The following STK39 variants were observed in gnomAD, a reference collection of about 807,000 sequenced individuals.
The protein encoded by STK39 is STE20/SPS1-related proline-alanine-rich protein kinase.
STK39 carries 20 observed loss-of-function variants against 77.8 expected under a neutral mutation model. That is an observed-to-expected ratio of 0.26 (90% CI 0.18 to 0.37). STK39 has a LOEUF of 0.37. Ranked by LOEUF, STK39 falls within the 10% of genes least tolerant of loss-of-function variation. The probability of loss-of-function intolerance (pLI) is 1.00; values close to 1 mark genes in which losing one functional copy is unlikely to be tolerated. For missense variants in STK39, 479 were observed against 656.5 expected (o/e 0.73, Z 2.95); for synonymous variants, 246 against 234.1 (o/e 1.05, Z -0.47).
chr2:168,143,374 C>A (rs1239327551), intron 5 of STK39, among the ~76,000 whole-genome samples: 1 of 152,188 alleles, frequency 6.6e-6, no homozygotes. Flanking sequence ...CAGATCCAGG[C>A]TCCAGCAACC....
chr2:168,157,613 G>A (rs897905320), intron 5 of STK39, among the ~76,000 whole-genome samples: 2 of 152,100 alleles, frequency 1.3e-5, no homozygotes, highest in Non-Finnish European at 2.9e-5. Flanking sequence ...CATGGTAGAA[G>A]GGCACGGCAG....
intron 4 of STK39, among the ~76,000 whole-genome samples, chr2:168,162,553 C>T (rs1688601704): frequency 6.6e-6 from 1 of 151,948 alleles, no homozygotes; most frequent in Non-Finnish European, 1.5e-5. Flanking sequence ...GGATGCAATT[C>T]CAACTTAATT....
At chr2:168,206,877 T>C (rs1689756173) in intron 1 of STK39, among the ~76,000 whole-genome samples, 1 of 152,334 alleles carries the variant, frequency 6.6e-6, no homozygotes, top group East Asian at 1.9e-4. Context: ...CACATCTTCA[T>C]GCTTCTTATA....
Position 168,247,562 on chromosome 2 carries a change from G to GCCGCCGCCGCCGCCA in STK39, c.-128_-127insTGGCGGCGGCGGCGG. The GCCGCCGCCGCCGCCA allele has an allele frequency of 2.7e-6, 2 of 752,680 alleles. No individual in the cohort carries two copies. Among genetic ancestry groups the GCCGCCGCCGCCGCCA allele is most frequent in the Non-Finnish European group, 3.4e-6 (2 of 590,084 alleles). 46.6% of individuals were successfully genotyped at this position (752,680 alleles called of 1,614,324 possible). On this transcript the variant is annotated 5_prime_UTR_variant, in exon 1 of 18. In the 5' UTR this introduces an upstream ATG that the reference lacks. Transcript: ENST00000355999. ...CTCCCCGCCCGCCGCCGCCGCCGCC[G>GCCGCCGCCGCCGCCA]TCCCCGCCGAAGCCAGCTAGGAGGG...
chr2:168,139,466 G>A (rs1328373853), intron 7 of STK39, among the ~76,000 whole-genome samples: 1 of 150,410 alleles, frequency 6.6e-6, no homozygotes, highest in Non-Finnish European at 1.5e-5. Flanking sequence ...AGTAGAGATT[G>A]TCTGGTTGAT....
At chr2:168,187,554 A>T (rs1689239462) in intron 1 of STK39, among the ~76,000 whole-genome samples, 2 of 152,234 alleles carry the variant, frequency 1.3e-5, no homozygotes, top group Admixed American at 6.5e-5. Flanking sequence ...ACACAAAAAA[A>T]GTCTTTGAAA....
intron 16 of STK39, among the ~76,000 whole-genome samples, chr2:167,966,502 T>C (rs1328422679): frequency 6.6e-6 from 1 of 152,250 alleles, no homozygotes; most frequent in East Asian, 1.9e-4. Flanking sequence ...TCTCAGTTAA[T>C]GTGGATGATT....
chr2:168,228,087 G>T (rs182683016), intron 1 of STK39, among the ~76,000 whole-genome samples: 1 of 152,274 alleles, frequency 6.6e-6, no homozygotes, highest in East Asian at 1.9e-4. Context: ...GACATTAAGA[G>T]TAGATTGTAT....
intron 14 of STK39, among the ~76,000 whole-genome samples, chr2:168,049,021 T>C (rs1471825068): frequency 6.6e-6 from 1 of 152,210 alleles, no homozygotes. Context: ...GAACAAGTGA[T>C]AGCTCTGATA....
intron 5 of STK39, among the ~76,000 whole-genome samples, chr2:168,154,336 C>T (rs937068026): frequency 1.3e-5 from 2 of 152,174 alleles, no homozygotes; most frequent in Non-Finnish European, 2.9e-5. Flanking sequence ...CATCATTTTA[C>T]AGGTGATACA....
intron 2 of STK39, among the ~76,000 whole-genome samples, chr2:168,180,580 G>A (rs1157391712): frequency 6.6e-6 from 1 of 152,102 alleles, no homozygotes; most frequent in East Asian, 1.9e-4. Context: ...GTGAAAACAA[G>A]TTTAGTGGCA....
intron 10 of STK39, chr2:168,113,252 G>A (rs924127980): frequency 3.9e-5 from 6 of 152,158 alleles, no homozygotes. Context: ...AATGGTAAAT[G>A]AGTGCCACAT....
intron 16 of STK39, among the ~76,000 whole-genome samples, chr2:168,009,547 A>C (rs938824450): frequency 9.9e-5 from 15 of 152,230 alleles, no homozygotes; most frequent in African/African-American, 3.6e-4. Context: ...TACCAGTTGC[A>C]ACAGTCTAGA....
chr2:168,109,306 T>C (rs1687060721), intron 10 of STK39, among the ~76,000 whole-genome samples: 1 of 152,222 alleles, frequency 6.6e-6, no homozygotes, highest in African/African-American at 2.4e-5. Context: ...AAATAGGACA[T>C]CACTTAGTGT....
At chr2:168,020,845 C>A (rs1448102415) in intron 14 of STK39, among the ~76,000 whole-genome samples, 1 of 152,036 alleles carries the variant, frequency 6.6e-6, no homozygotes, top group African/African-American at 2.4e-5. Context: ...GTACCAAATA[C>A]AAACAGAAAT....
intron 16 of STK39, among the ~76,000 whole-genome samples, chr2:168,008,451 G>A (rs1435249803): frequency 6.6e-6 from 1 of 152,120 alleles, no homozygotes; most frequent in Non-Finnish European, 1.5e-5. Flanking sequence ...ATTCCTGGAG[G>A]GGCAGGCTGG....
intron 14 of STK39, among the ~76,000 whole-genome samples, chr2:168,048,402 C>T (rs139734916): frequency 0.02 from 3,063 of 152,114 alleles, 104 homozygotes; most frequent in African/African-American, 0.069. Flanking sequence ...TTAGTAGAGA[C>T]GGGGTTTCAC....
intron 14 of STK39, among the ~76,000 whole-genome samples, chr2:168,017,701 C>G (rs979825055): frequency 4.0e-5 from 6 of 151,864 alleles, no homozygotes; most frequent in African/African-American, 1.5e-4. Flanking sequence ...ATTTCAGAAG[C>G]CTTTAGTCTA....
intron 14 of STK39, among the ~76,000 whole-genome samples, chr2:168,053,800 G>A (rs1051647008): frequency 6.6e-5 from 10 of 152,080 alleles, no homozygotes; most frequent in African/African-American, 2.2e-4. Flanking sequence ...TCACCTATAT[G>A]TATACTATCT....
Sources: gnomAD v4.1 joint callset for allele counts (sites outside exome capture counted in the v4.1 genomes callset) on GRCh38, gnomAD v4.1.1 for gene constraint, MANE v1.5 for transcripts, NCBI Gene and HGNC (gene_info 2026-07-23, HGNC 2026-07-21) for gene names.